Variants in TENM1 observed in about 807,000 individuals in gnomAD.
The protein encoded by TENM1 is teneurin transmembrane protein 1, also known as teneurin-1.
TENM1 carries 35 observed loss-of-function variants against 174.8 expected under a neutral mutation model. The ratio of observed to expected loss-of-function variants is 0.20; its 90% CI spans 0.15 to 0.27. The LOEUF is 0.27. Among genes scored for constraint, TENM1 ranks in the 10% least tolerant of loss-of-function variants. The pLI, the probability that TENM1 is intolerant of heterozygous loss-of-function variation, is 1.00. For missense variants in TENM1, 1,633 were observed against 2,130.1 expected, an observed-to-expected ratio of 0.77 and a Z score of 4.59; for synonymous variants, 781 against 798.7, an observed-to-expected ratio of 0.98 and a Z score of 0.37.
chrX:124,647,753 GTT>G (rs55963901), intron 8 of TENM1, among the ~76,000 whole-genome samples: 63 of 109,116 alleles, frequency 5.8e-4, no homozygotes, highest in African/African-American at 1.9e-3. Context: ...GTGTGTGTGT[GTT>G]TGTGTGTGTG....
At chrX:124,404,141 G>A (rs7055461) in intron 27 of TENM1, among the ~76,000 whole-genome samples, 46,837 of 110,344 alleles carry the variant, frequency 0.42, 7,143 homozygotes, top group Admixed American at 0.44. Flanking sequence ...TTCCTTTTGC[G>A]GCACCGAAAC....
At chrX:124,983,554 A>T in the TENM1 span, among the ~76,000 whole-genome samples, 1 of 111,360 alleles carries the variant, frequency 9.0e-6, no homozygotes, top group Non-Finnish European at 1.9e-5. Flanking sequence ...ACTGAATCAG[A>T]CTCCTGAAAC....
At chrX:124,778,495 A>G (rs1443755536) in intron 3 of TENM1, among the ~76,000 whole-genome samples, 1 of 112,577 alleles carries the variant, frequency 8.9e-6, no homozygotes, top group African/African-American at 3.2e-5. Context: ...CTACAACACA[A>G]TGAGTGGAAT....
At chrX:124,972,344 G>C in the TENM1 span, among the ~76,000 whole-genome samples, 1 of 111,274 alleles carries the variant, frequency 9.0e-6, no homozygotes, top group Non-Finnish European at 1.9e-5. Context: ...TTTCATTTTT[G>C]TTCTTTTTGT....
the TENM1 span, among the ~76,000 whole-genome samples, chrX:125,048,346 G>A: frequency 3.0e-5 from 3 of 100,358 alleles, no homozygotes; most frequent in Admixed American, 1.2e-4. Flanking sequence ...CTGCAGCCTC[G>A]AACTCCTGGA....
rs1413495942 is a variant in TENM1, at chrX:124,584,078, C to T, written c.2078-18518G>A. On this transcript the variant is annotated intron_variant, in intron 11 of 31. Transcript: ENST00000422452. ...GTCTGATTGGTGTACCTGAAAGTGACGGGGAGAATGGAACCAAGTTGGAAA... is the reference window on the plus strand; with the variant it reads ...GTCTGATTGGTGTACCTGAAAGTGATGGGGAGAATGGAACCAAGTTGGAAA... Among the ~76,000 whole-genome samples the T allele has an allele frequency of 5.0e-3, 540 of 109,020 alleles. 1 individual carries two copies. The highest frequency in any genetic ancestry group is 0.017 in the African/African-American group (505 of 29,854). 94.7% of individuals were successfully genotyped at this position (109,020 alleles called of 115,157 possible). A position where few individuals can be genotyped will look rare whatever the true frequency, so the allele number is the denominator to read the frequency against.
chrX:124,879,468 A>G lies in TENM1; in HGVS notation c.535+14828T>C, dbSNP rs184721334. ...CAGGATTTTATTCTTTTTATGGCTG[A>G]ATAATATTCCATCATATATATGTAC... is the stretch of plus-strand genomic sequence containing the variant. On this transcript the variant is annotated intron_variant, in intron 3 of 31. Transcript: ENST00000422452. 2.0e-3 allele frequency among the ~76,000 whole-genome samples: 227 copies of G among 112,342 alleles called. 1 individual carries two copies. Among genetic ancestry groups the G allele is most frequent in the African/African-American group, 6.7e-3 (207 of 30,959 alleles).
At chrX:124,436,237 G>A (rs748072933) in intron 23 of TENM1, among the ~76,000 whole-genome samples, 1 of 111,269 alleles carries the variant, frequency 9.0e-6, no homozygotes, top group African/African-American at 3.3e-5. Context: ...GTTGGGACTC[G>A]GCAATCTACA....
intron 23 of TENM1, among the ~76,000 whole-genome samples, chrX:124,450,698 G>T (rs1428539480): frequency 9.0e-6 from 1 of 111,691 alleles, no homozygotes. Flanking sequence ...ACAGAACTCT[G>T]ATTTTGGTTT....
At chrX:124,775,753 C>T (rs752160191) in intron 3 of TENM1, among the ~76,000 whole-genome samples, 1 of 111,982 alleles carries the variant, frequency 8.9e-6, no homozygotes, top group African/African-American at 3.2e-5. Flanking sequence ...CCTAGTACTG[C>T]CTAGCTCTGA....
chrX:124,584,707 G>A (rs924372469), intron 11 of TENM1, among the ~76,000 whole-genome samples: 36 of 111,125 alleles, frequency 3.2e-4, no homozygotes, highest in African/African-American at 1.2e-3. Flanking sequence ...AATGTAAATG[G>A]GCTAAATGCT....
intron 3 of TENM1, among the ~76,000 whole-genome samples, chrX:124,796,259 G>T (rs1355002349): frequency 8.9e-6 from 1 of 111,862 alleles, no homozygotes; most frequent in Non-Finnish European, 1.9e-5. Context: ...CTGTGAGAAG[G>T]AAGTTATTTC....
intron 3 of TENM1, among the ~76,000 whole-genome samples, chrX:124,758,890 G>C (rs954602180): frequency 2.7e-5 from 3 of 111,422 alleles, no homozygotes; most frequent in African/African-American, 6.5e-5. Flanking sequence ...AGGGGGAAGA[G>C]GGAAGTTGTT....
intron 3 of TENM1, among the ~76,000 whole-genome samples, chrX:124,883,324 TA>T (rs749004726): frequency 1.8e-5 from 2 of 112,283 alleles, no homozygotes; most frequent in African/African-American, 6.5e-5. Flanking sequence ...CCTTTAGCTG[TA>T]AACAACATCA....
chrX:124,390,246 T>A (rs887608625), intron 28 of TENM1, among the ~76,000 whole-genome samples: 4 of 112,667 alleles, frequency 3.6e-5, no homozygotes, highest in Non-Finnish European at 7.5e-5. Flanking sequence ...AATCTCCTCA[T>A]TGGTGTCAGA....
intron 18 of TENM1, among the ~76,000 whole-genome samples, chrX:124,510,327 C>T (rs16994498): frequency 0.019 from 2,176 of 112,212 alleles, 45 homozygotes; most frequent in African/African-American, 0.059. Flanking sequence ...GGGGAAGACC[C>T]GCAATTCAGT....
At chrX:124,830,316 G>A (rs1242801843) in intron 3 of TENM1, among the ~76,000 whole-genome samples, 4 of 111,634 alleles carry the variant, frequency 3.6e-5, no homozygotes, top group Admixed American at 1.9e-4. Context: ...GAAACTGAGC[G>A]AAAACATTTG....
At chrX:124,653,689 C>G in exon 7 of TENM1, 1 of 1,210,637 alleles carries the variant, frequency 8.3e-7, no homozygotes, top group Non-Finnish European at 1.1e-6. Flanking sequence ...GGATAGTAAT[C>G]TGGAAACGCC....
chrX:124,565,060 A>G (rs1420591380), intron 12 of TENM1, among the ~76,000 whole-genome samples: 2 of 112,230 alleles, frequency 1.8e-5, no homozygotes, highest in Non-Finnish European at 3.8e-5. Context: ...TCACTACAAA[A>G]GCACTTTTCT....
Sources: gnomAD v4.1 joint callset for allele counts (sites outside exome capture counted in the v4.1 genomes callset) on GRCh38, gnomAD v4.1.1 for gene constraint, MANE v1.5 for transcripts, NCBI Gene and HGNC (gene_info 2026-07-23, HGNC 2026-07-21) for gene names.